DNAH11: variants seen among roughly 807,000 people sequenced by gnomAD.
DNAH11 encodes axonemal beta dynein heavy chain 11.
Under a neutral mutation model 526.0 loss-of-function variants are expected in DNAH11, and 442 were observed. The ratio of observed to expected loss-of-function variants is 0.84; its 90% CI spans 0.78 to 0.91. The LOEUF (loss-of-function observed/expected upper bound fraction) is 0.91. Among genes scored for constraint, DNAH11 ranks in the 40% least tolerant of loss-of-function variants. The pLI is 0.00. For missense variants in DNAH11, 6,989 were observed against 5,448.7 expected (o/e 1.28, Z -8.90); for synonymous variants, 2,461 against 1,935.9 (o/e 1.27, Z -7.12).
chr7:21,843,002 G>A lies in DNAH11; in HGVS notation c.10896+254G>A, dbSNP rs567681257. 2.0e-5 allele frequency among the ~76,000 whole-genome samples: 3 copies of A among 152,314 alleles called. No homozygotes were observed. In the East Asian group the frequency reaches 5.8e-4, roughly 29 times the overall value. ...TTTGAGGGCAAACAAAGAGGCATAC[G>A]AGTCATGTAAAATAGAGGTATGTGC... On this transcript the variant is annotated intron_variant, in intron 66 of 81. Coordinates refer to ENST00000409508, the MANE Select transcript of DNAH11 (RefSeq NM_001277115.2).
At chr7:21,658,729 C>A in intron 29 of DNAH11, 69 bp from the exon 30 acceptor site, 1 of 1,357,456 alleles carries the variant, frequency 7.4e-7, no homozygotes. Context: ...GGCCTTAGAG[C>A]CAGTAGGAGG....
At chr7:21,574,564 C>CTTTTTTT (rs35535321) in intron 8 of DNAH11, among the ~76,000 whole-genome samples, 1,383 of 123,786 alleles carry the variant, frequency 0.011, 53 homozygotes, top group African/African-American at 0.041. Context: ...CCCTTCCTTC[C>CTTTTTTT]TTTTTTTTTT....
At chr7:21,579,784 T>G (rs975806297) in intron 8 of DNAH11, among the ~76,000 whole-genome samples, 6 of 152,200 alleles carry the variant, frequency 3.9e-5, no homozygotes, top group Admixed American at 1.3e-4. Context: ...ATTTCTATTT[T>G]AAAAAAGATT....
intron 62 of DNAH11, among the ~76,000 whole-genome samples, chr7:21,801,785 T>G (rs558817522): frequency 7.9e-5 from 12 of 152,372 alleles, no homozygotes; most frequent in African/African-American, 2.9e-4. Flanking sequence ...TACCAGCAAA[T>G]GATTTCTTTC....
chr7:21,726,057 A>G, intron 45 of DNAH11, 73 bp downstream of exon 45: 1 of 1,365,048 alleles, frequency 7.3e-7, no homozygotes, highest in Non-Finnish European at 9.7e-7. Context: ...CAACTGGGTA[A>G]TTTATAAAGA....
At chr7:21,809,005 A>G (rs1789393692) in intron 63 of DNAH11, among the ~76,000 whole-genome samples, 2 of 152,192 alleles carry the variant, frequency 1.3e-5, no homozygotes, top group Admixed American at 1.3e-4. Context: ...CCAGCAGTAT[A>G]CAAGCTTTCC....
chr7:21,675,876 AATAG>A (rs1437717853), intron 30 of DNAH11, among the ~76,000 whole-genome samples: 6 of 151,764 alleles, frequency 4.0e-5, no homozygotes, highest in Non-Finnish European at 5.9e-5. Flanking sequence ...ATTTAGAATA[AATAG>A]ATAGGGGGTA....
rs1174167264 is a variant in DNAH11, at chr7:21,681,691, A to G, written c.5460+14A>G. On this transcript the variant is annotated intron_variant, in intron 31 of 81. Transcript: ENST00000409508. ...ATTTCTCAGAAGGCAAGTTGTTTGTAGAAATTTTATGTATTCATTATTGTT... is the reference window on the plus strand; with the variant it reads ...ATTTCTCAGAAGGCAAGTTGTTTGTGGAAATTTTATGTATTCATTATTGTT... 6.2e-7 allele frequency: 1 copy of G among 1,613,782 alleles called. No homozygotes were observed. The highest frequency in any genetic ancestry group is 1.7e-5 in the Admixed American group (1 of 60,026).
At chr7:21,887,870 G>A (rs896548327) in intron 76 of DNAH11, among the ~76,000 whole-genome samples, 2 of 152,112 alleles carry the variant, frequency 1.3e-5, no homozygotes, top group Non-Finnish European at 2.9e-5. Flanking sequence ...GCTTAGAGAG[G>A]TCAAGCAGCT....
chr7:21,750,167 T>C lies in DNAH11; in HGVS notation c.8798-55T>C, dbSNP rs568636048. 6.6e-6 allele frequency: 10 copies of C among 1,507,202 alleles called. No individual in the cohort carries two copies. In the South Asian group the frequency reaches 1.0e-4, roughly 16 times the overall value. The allele number at this position is 1,507,202 out of a possible 1,614,324, so 93.4% of individuals were successfully genotyped here. A position where few individuals can be genotyped will look rare whatever the true frequency, so the allele number is the denominator to read the frequency against. On this transcript the variant is annotated intron_variant, in intron 53 of 81. Coordinates refer to ENST00000409508, the MANE Select transcript of DNAH11 (RefSeq NM_001277115.2). Reference sequence around the variant, plus strand: ...ACATTTCAAACGTTTAAAAGTTATATGTAAAATTTAAATTGCAATGATCTT... The same window carrying C: ...ACATTTCAAACGTTTAAAAGTTATACGTAAAATTTAAATTGCAATGATCTT...
chr7:21,864,573 G>A lies in DNAH11; in HGVS notation c.11412G>A (p.Leu3804=). 1 of 1,611,768 alleles carries A rather than the reference G, an allele frequency of 6.2e-7. No individual in the cohort carries two copies. Among genetic ancestry groups the A allele is most frequent in the Non-Finnish European group, 8.5e-7 (1 of 1,178,852 alleles). Residue 3804 remains leucine (L), a synonymous_variant, in exon 70 of 82, where the codon TTG becomes TTA. Coordinates refer to ENST00000409508, the MANE Select transcript of DNAH11 (RefSeq NM_001277115.2). The part of the protein sequence containing the change: ...LRKKEIDPLE[L]DFLLRFTVEH... ...AGAAAGAGATAGACCCTCTTGAATT[G>A]GATTTCCTGCTTCGATTCACAGTTG...
At chr7:21,803,021 A>T (rs950892748) in intron 62 of DNAH11, among the ~76,000 whole-genome samples, 2 of 151,664 alleles carry the variant, frequency 1.3e-5, no homozygotes, top group African/African-American at 4.8e-5. Context: ...TGTGAATTAT[A>T]TCTCAATAAA....
intron 25 of DNAH11, among the ~76,000 whole-genome samples, chr7:21,624,208 C>T (rs553073615): frequency 6.6e-6 from 1 of 151,866 alleles, no homozygotes; most frequent in Non-Finnish European, 1.5e-5. Flanking sequence ...ATACTGAATA[C>T]CTTTCAGTGT....
intron 54 of DNAH11, among the ~76,000 whole-genome samples, chr7:21,761,037 C>T (rs1181640948): frequency 6.6e-6 from 1 of 151,710 alleles, no homozygotes; most frequent in Non-Finnish European, 1.5e-5. Flanking sequence ...ATGATTTTTC[C>T]CTCACAGTAA....
intron 63 of DNAH11, 45 bp from the exon 64 acceptor site, chr7:21,816,422 C>T: frequency 1.4e-6 from 2 of 1,452,966 alleles, no homozygotes; most frequent in South Asian, 1.2e-5. Flanking sequence ...TGTCTTCTCT[C>T]TCTGCCACAT....
chr7:21,630,417 T>C (rs919391824), intron 25 of DNAH11, among the ~76,000 whole-genome samples: 6 of 152,254 alleles, frequency 3.9e-5, no homozygotes, highest in African/African-American at 1.4e-4. Context: ...GTGGGTTTTA[T>C]GGCTTTAAAT....
At chr7:21,557,506 G>A (rs1397497454) in intron 2 of DNAH11, among the ~76,000 whole-genome samples, 1 of 152,114 alleles carries the variant, frequency 6.6e-6, no homozygotes, top group Non-Finnish European at 1.5e-5. Context: ...ATGGTGGAAG[G>A]GGCGAACAAG....
At chr7:21,646,979 G>A (rs1787383289) in intron 28 of DNAH11, among the ~76,000 whole-genome samples, 1 of 152,096 alleles carries the variant, frequency 6.6e-6, no homozygotes, top group African/African-American at 2.4e-5. Context: ...CATGAAAAAA[G>A]AGACAAATCA....
At chr7:21,741,615 G>C (rs924594889) in intron 48 of DNAH11, among the ~76,000 whole-genome samples, 2 of 152,162 alleles carry the variant, frequency 1.3e-5, no homozygotes, top group African/African-American at 2.4e-5. Flanking sequence ...GCTTTGGCTG[G>C]AGTGACTGTG....
Sources: gnomAD v4.1 joint callset for allele counts (sites outside exome capture counted in the v4.1 genomes callset) on GRCh38, gnomAD v4.1.1 for gene constraint, MANE v1.5 for transcripts, NCBI Gene and HGNC (gene_info 2026-07-23, HGNC 2026-07-21) for gene names.